RNF157: variants seen among roughly 807,000 people sequenced by gnomAD.
RNF157 encodes the protein E3 ubiquitin ligase RNF157.
RNF157 carries 55 observed loss-of-function variants against 88.3 expected under a neutral mutation model. The ratio of observed to expected loss-of-function variants is 0.62; its 90% CI spans 0.50 to 0.78. The LOEUF (loss-of-function observed/expected upper bound fraction) is 0.78. Ranked by LOEUF, RNF157 falls within the 30% of genes least tolerant of loss-of-function variation. RNF157 has a pLI of 0.00. For missense variants in RNF157, 788 were observed against 860.8 expected (o/e 0.92, Z 1.06); for synonymous variants, 334 against 341.2 (o/e 0.98, Z 0.23).
chr17:76,238,085 C>CAAAAAAA (rs555165221), intron 1 of RNF157, among the ~76,000 whole-genome samples: 1 of 93,714 alleles, frequency 1.1e-5, no homozygotes. Flanking sequence ...GACGATGACT[C>CAAAAAAA]AAAAAAAAAA....
At chr17:76,187,544 T>C in intron 2 of RNF157, among the ~76,000 whole-genome samples, 1 of 152,110 alleles carries the variant, frequency 6.6e-6, no homozygotes, top group East Asian at 1.9e-4. Flanking sequence ...TAGAACAAAA[T>C]AGCATAAAAT....
At position 76,158,460 on chromosome 17, in the gene RNF157, T is replaced by C. The variant is rs754369547; in HGVS notation, c.1346A>G (p.Asp449Gly). ...CTCCGACTCGCTGCAGGAATGCTCATCTTCCTCTTCATGCAGCACGGAAGA... is the reference window on the plus strand; with the variant it reads ...CTCCGACTCGCTGCAGGAATGCTCACCTTCCTCTTCATGCAGCACGGAAGA... ...QNSSVLHEEE[D>G]EHSCSESETQ... The change falls in exon 13 of 19, where the codon GAT (aspartate) becomes GGT (glycine). Residue 449 changes from aspartate (D) to glycine (G), a missense_variant. Coordinates refer to ENST00000269391, the MANE Select transcript of RNF157 (RefSeq NM_052916.3). The C allele has an allele frequency of 5.1e-5, 82 of 1,613,984 alleles. No individual in the cohort carries two copies. Among genetic ancestry groups the C allele is most frequent in the Middle Eastern group, 1.7e-4 (1 of 6,056 alleles).
intron 2 of RNF157, among the ~76,000 whole-genome samples, chr17:76,184,625 CTT>C (rs1256665120): frequency 2.6e-5 from 4 of 152,192 alleles, no homozygotes; most frequent in African/African-American, 9.7e-5. Flanking sequence ...CAGTAAACCT[CTT>C]TTCACTAATT....
At chr17:76,170,161 T>C (rs951043856) in intron 3 of RNF157, among the ~76,000 whole-genome samples, 1 of 152,056 alleles carries the variant, frequency 6.6e-6, no homozygotes, top group African/African-American at 2.4e-5. Flanking sequence ...AAGGCCTGGC[T>C]GCCAGCATTC....
intron 1 of RNF157, among the ~76,000 whole-genome samples, chr17:76,229,886 AG>A: frequency 1.3e-5 from 2 of 152,356 alleles, no homozygotes; most frequent in African/African-American, 4.8e-5. Flanking sequence ...AGGAGACATT[AG>A]GACAAAGAAA....
At chr17:76,232,740 A>C (rs1568081032) in intron 1 of RNF157, among the ~76,000 whole-genome samples, 2 of 152,190 alleles carry the variant, frequency 1.3e-5, no homozygotes, top group Non-Finnish European at 2.9e-5. Flanking sequence ...ATTCCTCTGC[A>C]TTCTCAACAT....
chr17:76,201,665 T>A (rs1479317988), intron 2 of RNF157, among the ~76,000 whole-genome samples: 1 of 152,108 alleles, frequency 6.6e-6, no homozygotes, highest in Admixed American at 6.6e-5. Context: ...TGCACACACA[T>A]ACATATATTA....
chr17:76,237,554 A>G (rs76822643), intron 1 of RNF157, among the ~76,000 whole-genome samples: 1,890 of 152,284 alleles, frequency 0.012, 46 homozygotes, highest in African/African-American at 0.043. Context: ...TCATGGAATG[A>G]TTGTTTTAAG....
chr17:76,214,142 G>T (rs900833771), intron 1 of RNF157, among the ~76,000 whole-genome samples: 7 of 152,166 alleles, frequency 4.6e-5, no homozygotes, highest in African/African-American at 1.7e-4. Flanking sequence ...CATCAGAAGT[G>T]GGGGGCAGTC....
At chr17:76,227,347 C>G (rs1050768058) in intron 1 of RNF157, among the ~76,000 whole-genome samples, 1 of 151,410 alleles carries the variant, frequency 6.6e-6, no homozygotes, top group African/African-American at 2.4e-5. Context: ...TCTTGAACTC[C>G]TGACCTCAGG....
At chr17:76,164,562 T>A in intron 8 of RNF157, 186 bp downstream of exon 8, 2 of 406,486 alleles carry the variant, frequency 4.9e-6, no homozygotes, top group Non-Finnish European at 8.7e-6. Context: ...TCGTTTGTAA[T>A]AGCTTGTAAC....
At chr17:76,209,845 C>T (rs546374409) in intron 2 of RNF157, among the ~76,000 whole-genome samples, 35 of 152,218 alleles carry the variant, frequency 2.3e-4, no homozygotes, top group Admixed American at 2.0e-3. Flanking sequence ...CTGCAACCTC[C>T]GCCTCCTGGG....
intron 2 of RNF157, among the ~76,000 whole-genome samples, chr17:76,180,477 A>G (rs190799335): frequency 1.7e-3 from 265 of 152,360 alleles, no homozygotes; most frequent in South Asian, 0.011. Context: ...AATCATGAAA[A>G]AAGAGAATGT....
Position 76,158,426 on chromosome 17 carries a change from G to A in RNF157, c.1380C>T (p.Leu460=), listed in dbSNP as rs779647631. The stretch of plus-strand genomic sequence containing the variant: ...GATGCTGAACCGACGGTCTCTGAGA[G>A]AGCTGTGTCTCCGACTCGCTGCAGG... The part of the protein sequence containing the change: ...EHSCSESETQ[L]SQRPSVQHLG... Residue 460 remains leucine, a synonymous_variant, in exon 13 of 19, where the codon CTC becomes CTT. Transcript: ENST00000269391. 41 of 1,613,638 alleles carry A rather than the reference G, an allele frequency of 2.5e-5. 2 individuals are homozygous for A. In the South Asian group the frequency reaches 4.4e-4, roughly 17 times the overall value.
At chr17:76,208,727 T>C (rs1234869752) in intron 2 of RNF157, among the ~76,000 whole-genome samples, 1 of 152,122 alleles carries the variant, frequency 6.6e-6, no homozygotes, top group Non-Finnish European at 1.5e-5. Flanking sequence ...ATCCCAGCAC[T>C]TTGGGAGGCC....
rs147673544 is a variant in RNF157, at chr17:76,216,111, G to A, written c.89-3629C>T. Among the ~76,000 whole-genome samples the A allele has an allele frequency of 7.6e-3, 1,158 of 152,280 alleles. 12 individuals are homozygous for A. The highest frequency in any genetic ancestry group is 0.026 in the African/African-American group (1,093 of 41,552). On this transcript the variant is annotated intron_variant, in intron 1 of 18. Coordinates refer to ENST00000269391, the MANE Select transcript of RNF157 (RefSeq NM_052916.3). Reference sequence around the variant, plus strand: ...AGGTAAAATTGGAAAAGTTAAAGATGTTACACAGATGGATGGCTTGCCCAA... The same window carrying A: ...AGGTAAAATTGGAAAAGTTAAAGATATTACACAGATGGATGGCTTGCCCAA...
At chr17:76,177,582 C>T (rs749313595) in intron 2 of RNF157, among the ~76,000 whole-genome samples, 30 of 151,988 alleles carry the variant, frequency 2.0e-4, no homozygotes, top group African/African-American at 6.5e-4. Context: ...TCAGGGAGGA[C>T]GTGAAGGCTG....
In RNF157 at chr17:76,176,246, A is replaced by AT. The variant is rs989726578; in HGVS notation, c.208-2457dup. Among the ~76,000 whole-genome samples, 4 of 152,006 alleles carry AT rather than the reference A, an allele frequency of 2.6e-5. No individual in the cohort carries two copies. Among genetic ancestry groups the AT allele is most frequent in the South Asian group, 2.1e-4 (1 of 4,820 alleles). On this transcript the variant is annotated intron_variant, in intron 2 of 18. Coordinates refer to ENST00000269391, the MANE Select transcript of RNF157 (RefSeq NM_052916.3). The surrounding 1 kb of genome is among the most constrained non-coding windows in gnomAD (Gnocchi z 4.2). ...TATCAAAGAGATTAAATATATGGAT[A>AT]TTTTTTTGCCACAAAAGGCAAAAAT...
chr17:76,161,742 TC>T lies in RNF157; in HGVS notation c.953-96del. On this transcript the variant is annotated intron_variant, in intron 10 of 18. Transcript: ENST00000269391. This position sits in a 1 kb window ranked among gnomAD's most constrained non-coding sequence, Gnocchi z 4.6. ...AAACCATGATCCCTCCCAGCGCGCATCCGTTTGTCAGATCCAGCAGCAGCAC... is the reference window on the plus strand; with the variant it reads ...AAACCATGATCCCTCCCAGCGCGCATCGTTTGTCAGATCCAGCAGCAGCAC... 1 of 1,524,348 alleles carries T rather than the reference TC, an allele frequency of 6.6e-7. No homozygotes were observed. The highest frequency in any genetic ancestry group is 9.0e-7 in the Non-Finnish European group (1 of 1,109,822). 94.4% of individuals were successfully genotyped at this position (1,524,348 alleles called of 1,614,324 possible).
Sources: allele counts gnomAD v4.1 joint callset (sites outside exome capture counted in the v4.1 genomes callset), GRCh38; gene constraint gnomAD v4.1.1; non-coding constraint Gnocchi (gnomAD v3.1); transcripts MANE v1.5; gene names NCBI Gene and HGNC (gene_info 2026-07-23, HGNC 2026-07-21).